The following MAP2 variants were observed in gnomAD, a reference collection of about 807,000 sequenced individuals.
The protein encoded by MAP2 is microtubule-associated protein 2.
A neutral mutation model predicts 137.6 loss-of-function variants in MAP2; 14 were observed. That is an observed-to-expected ratio of 0.10 (90% confidence interval 0.07 to 0.16). The LOEUF (loss-of-function observed/expected upper bound fraction) is 0.16, where lower values mean the gene tolerates loss of function less well. MAP2 is among the 10% of genes least tolerant of loss of function. The probability of loss-of-function intolerance (pLI) is 1.00; values close to 1 mark genes in which losing one functional copy is unlikely to be tolerated. For synonymous variants in MAP2, 786 were observed against 782.3 expected (o/e 1.00, Z -0.08); for missense variants, 2,088 against 2,191.5 (o/e 0.95, Z 0.94).
At chr2:209,676,969 C>A (rs1055722938) in intron 5 of MAP2, among the ~76,000 whole-genome samples, 4 of 151,428 alleles carry the variant, frequency 2.6e-5, no homozygotes, top group Non-Finnish European at 5.9e-5. Flanking sequence ...ATTTAGACGT[C>A]TAAGCATGAT....
chr2:209,700,190 C>A (rs2061409462), intron 10 of MAP2, 87 bp from the exon 11 acceptor site: 3 of 1,077,670 alleles, frequency 2.8e-6, no homozygotes, highest in Admixed American at 3.7e-5. Context: ...TCTGTTGACA[C>A]AACAGAATAT....
intron 2 of MAP2, among the ~76,000 whole-genome samples, chr2:209,570,117 T>G (rs1302661388): frequency 1.3e-5 from 2 of 151,902 alleles, no homozygotes; most frequent in Non-Finnish European, 3.0e-5. Flanking sequence ...AAAATCTATA[T>G]TTTTAATCTT....
At chr2:209,690,511 C>A in intron 7 of MAP2, 1 of 1,024,368 alleles carries the variant, frequency 9.8e-7, no homozygotes, top group Non-Finnish European at 1.3e-6. Flanking sequence ...TGAGGTCATT[C>A]TAATGGAGCT....
At chr2:209,532,855 G>GTGA (rs1174834992) in intron 2 of MAP2, among the ~76,000 whole-genome samples, 3 of 152,144 alleles carry the variant, frequency 2.0e-5, no homozygotes, top group Admixed American at 6.5e-5. Context: ...TTTTTCACCA[G>GTGA]TGAACTCAGT....
At chr2:209,690,984 T>A in intron 7 of MAP2, 2 of 850,814 alleles carry the variant, frequency 2.4e-6, no homozygotes, top group Non-Finnish European at 3.2e-6. Context: ...GTTGTAGGCT[T>A]AATGTGCAGA....
At chr2:209,720,506 G>A (rs2070003000) in intron 13 of MAP2, among the ~76,000 whole-genome samples, 1 of 151,986 alleles carries the variant, frequency 6.6e-6, no homozygotes, top group Admixed American at 6.6e-5. Flanking sequence ...GGACATGGTG[G>A]CGGGCGCCTG....
intron 1 of MAP2, among the ~76,000 whole-genome samples, chr2:209,434,917 A>ATG (rs1553536950): frequency 1.5e-5 from 2 of 133,720 alleles, no homozygotes; most frequent in Non-Finnish European, 3.2e-5. Context: ...TGTTATATAT[A>ATG]TGTTATATAT....
At chr2:209,671,254 G>A (rs1410114717) in intron 5 of MAP2, among the ~76,000 whole-genome samples, 1 of 151,854 alleles carries the variant, frequency 6.6e-6, no homozygotes, top group Non-Finnish European at 1.5e-5. Flanking sequence ...ATAATGCAAA[G>A]GTGCCAGGGA....
rs750357842 is a variant in MAP2 at position 209,710,145 on chromosome 2, C to T, written c.4964C>T (p.Ala1655Val). 4 of 1,613,958 alleles carry T rather than the reference C, an allele frequency of 2.5e-6. No individual in the cohort carries two copies. Among genetic ancestry groups the T allele is most frequent in the Admixed American group, 1.7e-5 (1 of 59,966 alleles). ...ATACGTACTCCTCCAAAATCTCCTG[C>T]GACTCCCAAGCAGCTTCGGCTTATT... is the stretch of plus-strand genomic sequence containing the variant. ...AIIRTPPKSP[A>V]TPKQLRLINQ... The change falls in exon 13 of 16, where the codon GCG becomes GTG. Residue 1655 changes from alanine to valine, a missense_variant. Around this residue, in one of 6 missense-constraint regions of MAP2, gnomAD observed 591 missense variants for 642.6 expected, o/e 0.92. Transcript: ENST00000682079.
intron 4 of MAP2, among the ~76,000 whole-genome samples, chr2:209,628,300 G>A (rs1183726640): frequency 6.6e-6 from 1 of 152,162 alleles, no homozygotes; most frequent in Non-Finnish European, 1.5e-5. Context: ...GGGAGACGGA[G>A]GTTGCAGTGA....
chr2:209,619,767 A>AC (rs1421490705), intron 3 of MAP2, among the ~76,000 whole-genome samples: 1 of 152,178 alleles, frequency 6.6e-6, no homozygotes, highest in Non-Finnish European at 1.5e-5. Flanking sequence ...AAGAATCCTA[A>AC]CATAGCTACA....
At chr2:209,446,726 G>GT (rs1361063368) in intron 1 of MAP2, among the ~76,000 whole-genome samples, 1 of 151,794 alleles carries the variant, frequency 6.6e-6, no homozygotes, top group Non-Finnish European at 1.5e-5. Context: ...ATCACGGGAG[G>GT]TTTTCTTTAA....
chr2:209,446,392 G>C (rs1285087491), intron 1 of MAP2, among the ~76,000 whole-genome samples: 1 of 151,430 alleles, frequency 6.6e-6, no homozygotes, highest in African/African-American at 2.4e-5. Flanking sequence ...AGATCCCAAG[G>C]GTAGCTTGTA....
chr2:209,726,745 C>A (rs1267694157), intron 14 of MAP2, among the ~76,000 whole-genome samples: 1 of 152,142 alleles, frequency 6.6e-6, no homozygotes, highest in African/African-American at 2.4e-5. Context: ...GCCTAGGCAA[C>A]AGAGCAAGAC....
intron 1 of MAP2, among the ~76,000 whole-genome samples, chr2:209,506,499 T>TA (rs1474853089): frequency 6.6e-6 from 1 of 152,202 alleles, no homozygotes; most frequent in Non-Finnish European, 1.5e-5. Flanking sequence ...ACTTGCTTTT[T>TA]AATTAGAGAC....
intron 3 of MAP2, among the ~76,000 whole-genome samples, chr2:209,618,715 C>G (rs956921665): frequency 6.6e-6 from 1 of 152,108 alleles, no homozygotes; most frequent in East Asian, 1.9e-4. Flanking sequence ...TTATGGAGAA[C>G]AGTTTGGTGG....
At chr2:209,726,342 G>A (rs1009860099) in intron 14 of MAP2, among the ~76,000 whole-genome samples, 2 of 152,192 alleles carry the variant, frequency 1.3e-5, no homozygotes, top group South Asian at 2.1e-4. Flanking sequence ...TATCTCATAC[G>A]ACTAGTGCCC....
chr2:209,631,706 T>C (rs564216559), intron 4 of MAP2, among the ~76,000 whole-genome samples: 20 of 152,288 alleles, frequency 1.3e-4, no homozygotes, highest in African/African-American at 4.8e-4. Context: ...AATCATCATT[T>C]TACAGGAGAG....
At chr2:209,462,740 A>G (rs1287467776) in intron 1 of MAP2, among the ~76,000 whole-genome samples, 1 of 152,202 alleles carries the variant, frequency 6.6e-6, no homozygotes, top group African/African-American at 2.4e-5. Flanking sequence ...CTAGTTTGAG[A>G]TGCAAAGGAT....
Sources: allele counts gnomAD v4.1 joint callset (sites outside exome capture counted in the v4.1 genomes callset), GRCh38; gene constraint gnomAD v4.1.1; regional missense constraint gnomAD v4.1.1; transcripts MANE v1.5; gene names NCBI Gene and HGNC (gene_info 2026-07-23, HGNC 2026-07-21).